PIK3CD: variants seen among roughly 807,000 people sequenced by gnomAD.
PIK3CD encodes phosphatidylinositol-4,5-bisphosphate 3-kinase catalytic subunit delta.
A neutral mutation model predicts 122.9 loss-of-function variants in PIK3CD; 20 were observed. That is an observed-to-expected ratio of 0.16 (90% CI 0.11 to 0.24). The LOEUF is 0.24. Among genes scored for constraint, PIK3CD ranks in the 10% least tolerant of loss-of-function variants. PIK3CD has a pLI of 1.00. For missense variants in PIK3CD, 787 were observed against 1,406.3 expected (o/e 0.56, Z 7.04); for synonymous variants, 596 against 593.4 (o/e 1.00, Z -0.06).
chr1:9,724,658 G>A lies in PIK3CD; in HGVS notation c.2865-146G>A. The A allele has an allele frequency of 8.5e-7, 1 of 1,177,732 alleles. No homozygotes were observed. The highest frequency in any genetic ancestry group is 1.3e-6 in the Non-Finnish European group (1 of 789,608). 73.0% of individuals were successfully genotyped at this position (1,177,732 alleles called of 1,614,324 possible). A position where few individuals can be genotyped will look rare whatever the true frequency, so the allele number is the denominator to read the frequency against. ...GAGGCTGGCTGGGGCACGGGGGTCA[G>A]TTAGCAGAACTGGAGGCCTTGTGTC... On this transcript the variant is annotated intron_variant, in intron 22 of 23. Coordinates refer to ENST00000377346, the MANE Select transcript of PIK3CD (RefSeq NM_005026.5). The surrounding 1 kb of genome is among the most constrained non-coding windows in gnomAD (Gnocchi z 7.3).
In PIK3CD at chr1:9,723,219, A is replaced by G. The variant is rs1648967526; in HGVS notation, c.2521A>G (p.Lys841Glu). 6.2e-7 allele frequency: 1 copy of G among 1,613,900 alleles called. No individual in the cohort carries two copies. Among genetic ancestry groups the G allele is most frequent in the Non-Finnish European group, 8.5e-7 (1 of 1,180,028 alleles). Residue 841 changes from lysine to glutamate, a missense_variant, in exon 20 of 24, where the codon AAG (lysine) becomes GAG (glutamate). Physicochemically the swap from Lys to Glu is moderately conservative, Grantham distance 56. Coordinates refer to ENST00000377346, the MANE Select transcript of PIK3CD (RefSeq NM_005026.5). The surrounding 1 kb of genome is among the most constrained non-coding windows in gnomAD (Gnocchi z 4.9). ...SDTIANIQLN[K>E]SNMAATAAFN... ...CACCATCGCCAACATCCAACTCAAC[A>G]AGAGCAACATGGCAGCCACAGCCGC...
chr1:9,679,949 C>A (rs893370428), intron 1 of PIK3CD, among the ~76,000 whole-genome samples: 12 of 151,942 alleles, frequency 7.9e-5, no homozygotes, highest in African/African-American at 2.7e-4. Context: ...TTCAGCCTCC[C>A]GAGTAGCTGG....
At chr1:9,712,921 C>T (rs1001725571) in intron 3 of PIK3CD, among the ~76,000 whole-genome samples, 8 of 152,080 alleles carry the variant, frequency 5.3e-5, no homozygotes, top group African/African-American at 1.2e-4. Flanking sequence ...TGGTGGCTCA[C>T]GTCTCTTATC....
chr1:9,720,518 T>A lies in PIK3CD; in HGVS notation c.1471-93T>A. On this transcript the variant is annotated intron_variant, in intron 11 of 23. Coordinates refer to ENST00000377346, the MANE Select transcript of PIK3CD (RefSeq NM_005026.5). This position sits in a 1 kb window ranked among gnomAD's most constrained non-coding sequence, Gnocchi z 9.0. ...CCTCCATGCAGAGGACAGCGCCCCC[T>A]CAAGGATGATTGGGGTGGCAATGCC... The A allele has an allele frequency of 6.5e-7, 1 of 1,541,594 alleles. No individual in the cohort carries two copies. The highest frequency in any genetic ancestry group is 2.5e-5 in the East Asian group (1 of 40,714).
upstream of PIK3CD, among the ~76,000 whole-genome samples, chr1:9,649,145 T>G (rs1203549172): frequency 6.8e-6 from 1 of 146,254 alleles, no homozygotes; most frequent in Non-Finnish European, 1.5e-5. Flanking sequence ...CAAAAAAAAC[T>G]GGAACAATTG....
Position 9,720,945 on chromosome 1 carries a change from G to A in PIK3CD, c.1689+36G>A, listed in dbSNP as rs765866294. 6.5e-7 allele frequency: 1 copy of A among 1,550,366 alleles called. No homozygotes were observed. Among genetic ancestry groups the A allele is most frequent in the Non-Finnish European group, 8.7e-7 (1 of 1,147,264 alleles). ...AGGCGCACCTGGGGGCGGAGCTGGG[G>A]GCAGACCACAGCCTCTGGCTACCCA... On this transcript the variant is annotated intron_variant, in intron 13 of 23. Coordinates refer to ENST00000377346, the MANE Select transcript of PIK3CD (RefSeq NM_005026.5). This position sits in a 1 kb window ranked among gnomAD's most constrained non-coding sequence, Gnocchi z 9.0.
the PIK3CD span, among the ~76,000 whole-genome samples, chr1:9,639,427 C>G: frequency 6.6e-6 from 1 of 152,140 alleles, no homozygotes; most frequent in Non-Finnish European, 1.5e-5. Flanking sequence ...ATTTGCAAAG[C>G]TTTTACTCGT....
intron 1 of PIK3CD, among the ~76,000 whole-genome samples, chr1:9,663,145 C>T (rs1394875813): frequency 3.9e-5 from 6 of 152,138 alleles, no homozygotes; most frequent in Admixed American, 3.3e-4. Flanking sequence ...TTGGCTCTGG[C>T]GCTCTGAGCA....
chr1:9,638,331 G>A, the PIK3CD span, among the ~76,000 whole-genome samples: 12 of 152,006 alleles, frequency 7.9e-5, no homozygotes, highest in Admixed American at 5.3e-4. Context: ...CCTGAGAGCC[G>A]TTATCTGCAG....
At chr1:9,694,324 C>G (rs1436658290) in intron 2 of PIK3CD, among the ~76,000 whole-genome samples, 2 of 151,984 alleles carry the variant, frequency 1.3e-5, no homozygotes, top group African/African-American at 4.8e-5. Context: ...CACTTAAGGC[C>G]GGAGTTTGAG....
At chr1:9,680,246 G>A (rs534431902) in intron 1 of PIK3CD, among the ~76,000 whole-genome samples, 11 of 146,344 alleles carry the variant, frequency 7.5e-5, no homozygotes, top group Admixed American at 1.3e-4. Flanking sequence ...AAAGTGCTAG[G>A]ATTACAGGTG....
chr1:9,695,381 G>A (rs1242172924), intron 2 of PIK3CD, among the ~76,000 whole-genome samples: 1 of 152,066 alleles, frequency 6.6e-6, no homozygotes, highest in Non-Finnish European at 1.5e-5. Flanking sequence ...AAACAGTCTC[G>A]AAGTAGTACC....
intron 1 of PIK3CD, among the ~76,000 whole-genome samples, chr1:9,667,828 C>T (rs1049016808): frequency 6.0e-5 from 9 of 150,466 alleles, no homozygotes; most frequent in African/African-American, 2.2e-4. Flanking sequence ...CCCCGACCTC[C>T]TGGGCTCAAG....
Position 9,720,912 on chromosome 1 carries a change from G to C in PIK3CD, c.1689+3G>C. ...ACAAGCATGAGGATGTGGCCCAGGT[G>C]GGTGGGGAGGCGCACCTGGGGGCGG... On this transcript the variant is annotated splice_donor_region_variant and intron_variant, in intron 13 of 23. Transcript: ENST00000377346. This position sits in a 1 kb window ranked among gnomAD's most constrained non-coding sequence, Gnocchi z 9.0. 2.5e-6 allele frequency: 4 copies of C among 1,583,526 alleles called. No homozygotes were observed. The South Asian group carries it at 4.6e-5, about 18-fold the overall frequency.
intron 3 of PIK3CD, among the ~76,000 whole-genome samples, chr1:9,713,845 T>C (rs201424279): frequency 1.4e-5 from 2 of 144,854 alleles, no homozygotes; most frequent in East Asian, 2.0e-4. Context: ...TAGTTTTTTA[T>C]TTTTATACTT....
intron 1 of PIK3CD, among the ~76,000 whole-genome samples, chr1:9,654,916 A>C (rs563488073): frequency 1.3e-5 from 2 of 152,086 alleles, no homozygotes; most frequent in African/African-American, 4.8e-5. Flanking sequence ...AAAAAAAAAA[A>C]ATTAGCTGGG....
At chr1:9,697,432 G>C (rs778821273) in intron 2 of PIK3CD, among the ~76,000 whole-genome samples, 1 of 150,794 alleles carries the variant, frequency 6.6e-6, no homozygotes, top group East Asian at 2.0e-4. Flanking sequence ...GGTGGCTCAT[G>C]CCTGTAATCC....
chr1:9,635,863 G>C, the PIK3CD span, among the ~76,000 whole-genome samples: 1 of 152,218 alleles, frequency 6.6e-6, no homozygotes, highest in African/African-American at 2.4e-5. Context: ...CCCTGTTACT[G>C]ATGGAGCAGG....
intron 1 of PIK3CD, among the ~76,000 whole-genome samples, chr1:9,671,090 T>C (rs1645308145): frequency 6.7e-6 from 1 of 150,006 alleles, no homozygotes; most frequent in South Asian, 2.1e-4. Context: ...CGAGTCTCAC[T>C]CTACTGTCCA....
Sources: allele counts gnomAD v4.1 joint callset (sites outside exome capture counted in the v4.1 genomes callset), GRCh38; gene constraint gnomAD v4.1.1; non-coding constraint Gnocchi (gnomAD v3.1); transcripts MANE v1.5; gene names NCBI Gene and HGNC (gene_info 2026-07-23, HGNC 2026-07-21).